The following ZNF14 variants were observed in gnomAD, a reference collection of about 807,000 sequenced individuals.
The protein encoded by ZNF14 is zinc finger protein 14, also known as gonadotropin inducible transcription repressor-4.
Under a neutral mutation model 11.3 loss-of-function variants are expected in ZNF14, and 9 were observed. The observed-to-expected ratio is 0.80, with a 90% CI of 0.48 to 1.39. The LOEUF (loss-of-function observed/expected upper bound fraction) is 1.39, where lower values mean the gene tolerates loss of function less well. ZNF14 is among the 40% of genes most tolerant of loss of function. The probability of loss-of-function intolerance (pLI) is 0.00; values close to 1 mark genes in which losing one functional copy is unlikely to be tolerated. For missense variants in ZNF14, 711 were observed against 763.9 expected (o/e 0.93, Z 0.82); for synonymous variants, 239 against 245.7 (o/e 0.97, Z 0.25).
rs1377321794 is a variant in ZNF14, at chr19:19,711,247, T to C, written c.*105A>G. 1.5e-6 allele frequency: 2 copies of C among 1,322,024 alleles called. No individual in the cohort carries two copies. The highest frequency in any genetic ancestry group is 5.2e-5 in the Admixed American group (2 of 38,276). The allele number at this position is 1,322,024 out of a possible 1,614,324, so 81.9% of individuals were successfully genotyped here. On this transcript the variant is annotated 3_prime_UTR_variant, in exon 4 of 4. Coordinates refer to ENST00000344099, the MANE Select transcript of ZNF14 (RefSeq NM_021030.3). Reference sequence around the variant, plus strand: ...AAAAGAAACTGGAACAATTAAGGGCTTTAGAACAATGTTTGTATTCACACA... The same window carrying C: ...AAAAGAAACTGGAACAATTAAGGGCCTTAGAACAATGTTTGTATTCACACA...
intron 1 of ZNF14, among the ~76,000 whole-genome samples, chr19:19,718,775 C>CT (rs528009093): frequency 2.0e-5 from 3 of 151,820 alleles, no homozygotes; most frequent in Admixed American, 6.6e-5. Flanking sequence ...AAGTCAGACT[C>CT]TTTTTTTTGA....
chr19:19,729,582 C>G (rs2062417425), intron 1 of ZNF14, among the ~76,000 whole-genome samples: 1 of 152,186 alleles, frequency 6.6e-6, no homozygotes, highest in Admixed American at 6.5e-5. Context: ...TCTCAAAGTG[C>G]TGGGATTACA....
intron 1 of ZNF14, among the ~76,000 whole-genome samples, chr19:19,722,519 T>A (rs994876663): frequency 6.6e-6 from 1 of 152,234 alleles, no homozygotes; most frequent in Non-Finnish European, 1.5e-5. Context: ...TGCCTCCAGC[T>A]TTGTTCTTTT....
rs771541442 is a variant in ZNF14 at position 19,720,460 on chromosome 19, C to T, written c.4-5973G>A. 5.3e-5 allele frequency among the ~76,000 whole-genome samples: 8 copies of T among 151,842 alleles called. No individual in the cohort carries two copies. The highest frequency in any genetic ancestry group is 7.4e-5 in the Non-Finnish European group (5 of 68,002). Reference sequence around the variant, plus strand: ...GGTTCAAGTAATTCTCCTGCCTCAGCTTTCCGAGTAACTTAAATAACAGGC... The same window carrying T: ...GGTTCAAGTAATTCTCCTGCCTCAGTTTTCCGAGTAACTTAAATAACAGGC... On this transcript the variant is annotated intron_variant, in intron 1 of 3. Coordinates refer to ENST00000344099, the MANE Select transcript of ZNF14 (RefSeq NM_021030.3). This position sits in a 1 kb window ranked among gnomAD's most constrained non-coding sequence, Gnocchi z 4.1.
chr19:19,714,476 GGAGACT>G lies in ZNF14; in HGVS notation c.9_14del (p.Val4_Ser5del). On this transcript the variant is annotated inframe_deletion, in exon 2 of 4. Coordinates refer to ENST00000344099, the MANE Select transcript of ZNF14 (RefSeq NM_021030.3). ...TGAAGTTCACGGCCACATCCTCAAA[GGAGACT>G]GAGTCCTGAAACATTCCACATATGT... 2 of 1,613,410 alleles carry G rather than the reference GGAGACT, an allele frequency of 1.2e-6. No individual in the cohort carries two copies. The highest frequency in any genetic ancestry group is 1.7e-6 in the Non-Finnish European group (2 of 1,179,864).
chr19:19,729,460 C>T (rs542404079), intron 1 of ZNF14, among the ~76,000 whole-genome samples: 4 of 152,002 alleles, frequency 2.6e-5, no homozygotes, highest in South Asian at 2.1e-4. Flanking sequence ...GAATTATAGG[C>T]GCCAGCCCCC....
At chr19:19,714,670 C>T (rs1441762827) in intron 1 of ZNF14, among the ~76,000 whole-genome samples, 183 bp from the exon 2 acceptor site, 1 of 151,694 alleles carries the variant, frequency 6.6e-6, no homozygotes, top group Non-Finnish European at 1.5e-5. Context: ...GTCATGAACA[C>T]ACAGAAATTA....
In ZNF14 at chr19:19,712,230, G is replaced by A. The variant is rs373449253; in HGVS notation, c.1051C>T (p.Arg351Ter). 43 of 1,613,812 alleles carry A rather than the reference G, an allele frequency of 2.7e-5. No individual in the cohort carries two copies. Among genetic ancestry groups the A allele is most frequent in the African/African-American group, 2.4e-4 (18 of 74,888 alleles). The change falls in exon 4 of 4, where the codon CGA (arginine) becomes TGA (stop). Residue 351 changes from arginine to a stop codon, truncating the protein, a stop_gained. Transcript: ENST00000344099. LOFTEE classifies it low-confidence loss of function (END_TRUNC). Reference protein sequence around the residue: ...GKAFNSSNSCRVHERTHIGEK... With the variant: ...GKAFNSSNSC ...CCAATATGAGTTCTTTCATGCACTC[G>A]ACAGGAATTAGAAGAGTTGAAGGCT...
Position 19,711,102 on chromosome 19 carries a change from A to C in ZNF14, c.*250T>G. ...TTTTTTAAAAAAACAAAAAACAAAA[A>C]ACAAAACAGATTTCACTGCAGCACG... On this transcript the variant is annotated 3_prime_UTR_variant, in exon 4 of 4. Coordinates refer to ENST00000344099, the MANE Select transcript of ZNF14 (RefSeq NM_021030.3). 2 of 423,694 alleles carry C rather than the reference A, an allele frequency of 4.7e-6. No individual in the cohort carries two copies. Among genetic ancestry groups the C allele is most frequent in the Non-Finnish European group, 8.1e-6 (2 of 247,440 alleles). 26.2% of individuals were successfully genotyped at this position (423,694 alleles called of 1,614,324 possible).
rs768440616 is a variant in ZNF14, at chr19:19,712,156, G to A, written c.1125C>T (p.Ser375=). Residue 375 remains serine (S), a synonymous_variant, in exon 4 of 4, where the codon TCC becomes TCT. Transcript: ENST00000344099. ...CKRCGKSFSW[S]ISLRLHERTH... is the part of the protein sequence containing the mutation. Reference sequence around the variant, plus strand: ...TTCTTTCATGCAATCGAAGAGAAATGGACCAACTGAATGATTTGCCACATC... The same window carrying A: ...TTCTTTCATGCAATCGAAGAGAAATAGACCAACTGAATGATTTGCCACATC... 6.2e-7 allele frequency: 1 copy of A among 1,613,860 alleles called. No homozygotes were observed. The highest frequency in any genetic ancestry group is 1.3e-5 in the African/African-American group (1 of 74,902).
intron 1 of ZNF14, among the ~76,000 whole-genome samples, chr19:19,714,708 T>TC (rs1555761412): frequency 8.6e-6 from 1 of 115,616 alleles, no homozygotes; most frequent in Non-Finnish European, 2.0e-5. Flanking sequence ...TTCCTTTTTC[T>TC]TTTTCTTTTT....
intron 1 of ZNF14, among the ~76,000 whole-genome samples, chr19:19,715,039 G>C (rs2315285): frequency 0.2 from 29,974 of 152,024 alleles, 3,714 homozygotes; most frequent in East Asian, 0.27. Flanking sequence ...CTGTGATCAT[G>C]TGAAACCTTA....
chr19:19,715,092 G>A (rs931646508), intron 1 of ZNF14, among the ~76,000 whole-genome samples: 1 of 152,156 alleles, frequency 6.6e-6, no homozygotes, highest in Non-Finnish European at 1.5e-5. Context: ...GGAAAAGTAA[G>A]AGAAATGCTA....
rs904356772 is a variant in ZNF14, at chr19:19,711,737, GA to G, written c.1543del (p.Ser515GlnfsTer191). 1 of 1,613,980 alleles carries G rather than the reference GA, an allele frequency of 6.2e-7. No individual in the cohort carries two copies. Among genetic ancestry groups the G allele is most frequent in the African/African-American group, 1.3e-5 (1 of 74,904 alleles). Reference protein sequence around the residue: ...CKLCGKTFSFSSSLREHEKIH... With the variant: ...CKLCGKTFSFXSSLREHEKIH... ...TTTTTCATGTTCTCGAAGGGAACTT[GA>G]AAAACTGAAGGTTTTACCGCATAGT... is the stretch of plus-strand genomic sequence containing the variant. On this transcript the variant is annotated frameshift_variant, in exon 4 of 4. Transcript: ENST00000344099. LOFTEE classifies it low-confidence loss of function (END_TRUNC).
At chr19:19,715,195 C>A (rs565618392) in intron 1 of ZNF14, among the ~76,000 whole-genome samples, 3 of 152,186 alleles carry the variant, frequency 2.0e-5, no homozygotes, top group African/African-American at 7.2e-5. Flanking sequence ...CATTTCATTA[C>A]GCATGGAATC....
intron 1 of ZNF14, among the ~76,000 whole-genome samples, chr19:19,716,226 C>T (rs2062377418): frequency 6.6e-6 from 1 of 152,152 alleles, no homozygotes; most frequent in South Asian, 2.1e-4. Context: ...CCCAGGCTTT[C>T]TTCCTACCAC....
chr19:19,712,733 G>A lies in ZNF14; in HGVS notation c.548C>T (p.Pro183Leu). ...QCGKAFIYYQ[P>L]FQRHERTHAG... Reference sequence around the variant, plus strand: ...ATGAGTCCTTTCATGTCTTTGAAATGGCTGGTAATATATAAAGGCTTTCCC... The same window carrying A: ...ATGAGTCCTTTCATGTCTTTGAAATAGCTGGTAATATATAAAGGCTTTCCC... Residue 183 changes from proline (P) to leucine (L), a missense_variant, in exon 4 of 4, where the codon CCA becomes CTA. Transcript: ENST00000344099. 1.2e-6 allele frequency: 2 copies of A among 1,613,100 alleles called. No individual in the cohort carries two copies. Among genetic ancestry groups the A allele is most frequent in the Non-Finnish European group, 1.7e-6 (2 of 1,179,668 alleles).
At position 19,720,729 on chromosome 19, in the gene ZNF14, A is replaced by G. The variant is rs924122315; in HGVS notation, c.4-6242T>C. Among the ~76,000 whole-genome samples the G allele has an allele frequency of 2.0e-5, 3 of 152,188 alleles. No homozygotes were observed. Among genetic ancestry groups the G allele is most frequent in the African/African-American group, 4.8e-5 (2 of 41,454 alleles). On this transcript the variant is annotated intron_variant, in intron 1 of 3. Transcript: ENST00000344099. This position sits in a 1 kb window ranked among gnomAD's most constrained non-coding sequence, Gnocchi z 4.1. ...AAAATAATCAGGGAACTCATTTTAC[A>G]TCAAGGACTACACAAGTGACATCAG...
At position 19,711,389 on chromosome 19, in the gene ZNF14, C is replaced by T. The variant is rs375981716; in HGVS notation, c.1892G>A (p.Arg631Gln). 4.6e-5 allele frequency: 73 copies of T among 1,584,716 alleles called. No homozygotes were observed. Among genetic ancestry groups the T allele is most frequent in the Non-Finnish European group, 5.7e-5 (66 of 1,167,858 alleles). ...TCCCATATGAGTCCTTTCATGCAGT[C>T]GAAAGTGACTGGAAGAAATGAAGGC... Reference protein sequence around the residue: ...GKAFISSSHFRLHERTHMGEK... With the variant: ...GKAFISSSHFQLHERTHMGEK... Residue 631 changes from arginine to glutamine, a missense_variant, in exon 4 of 4, where the codon CGA becomes CAA. Physicochemically the swap from Arg to Gln is conservative, Grantham distance 43. Coordinates refer to ENST00000344099, the MANE Select transcript of ZNF14 (RefSeq NM_021030.3).
Sources: allele counts gnomAD v4.1 joint callset (sites outside exome capture counted in the v4.1 genomes callset), GRCh38; gene constraint gnomAD v4.1.1; non-coding constraint Gnocchi (gnomAD v3.1); transcripts MANE v1.5; gene names NCBI Gene and HGNC (gene_info 2026-07-23, HGNC 2026-07-21).